The following GRAMD4 variants were observed in gnomAD, a reference collection of about 807,000 sequenced individuals.
GRAMD4 encodes the protein GRAM domain containing 4.
GRAMD4 carries 25 observed loss-of-function variants against 83.9 expected under a neutral mutation model. The observed-to-expected ratio is 0.30, with a 90% CI of 0.22 to 0.42. The LOEUF is 0.42. Ranked by LOEUF, GRAMD4 falls within the 10% of genes least tolerant of loss-of-function variation. The pLI is 1.00. For missense variants in GRAMD4, 593 were observed against 788.7 expected (o/e 0.75, Z 2.97); for synonymous variants, 336 against 320.9 (o/e 1.05, Z -0.50).
At chr22:46,590,542 T>G (rs1195985588) in intron 1 of GRAMD4, among the ~76,000 whole-genome samples, 1 of 152,170 alleles carries the variant, frequency 6.6e-6, no homozygotes, top group African/African-American at 2.4e-5. Flanking sequence ...TCAGCTGGTG[T>G]CTGCCTGTTG....
chr22:46,646,383 G>A (rs1403191169), intron 3 of GRAMD4, among the ~76,000 whole-genome samples: 4 of 152,180 alleles, frequency 2.6e-5, no homozygotes, highest in Non-Finnish European at 4.4e-5. Context: ...AGATCTTCTC[G>A]AAGAAGCTGG....
intron 2 of GRAMD4, among the ~76,000 whole-genome samples, chr22:46,628,792 G>A (rs2081717954): frequency 6.6e-6 from 1 of 152,124 alleles, no homozygotes; most frequent in Non-Finnish European, 1.5e-5. Context: ...GATCCCCTTC[G>A]GGGGAGGGTC....
intron 4 of GRAMD4, among the ~76,000 whole-genome samples, chr22:46,660,536 G>C (rs538602389): frequency 2.0e-5 from 3 of 152,312 alleles, no homozygotes; most frequent in South Asian, 4.1e-4. Flanking sequence ...TGAAGCTGCA[G>C]GATTAAAGCA....
upstream of GRAMD4, among the ~76,000 whole-genome samples, chr22:46,617,155 C>T (rs1373835425): frequency 1.4e-5 from 2 of 146,514 alleles, no homozygotes; most frequent in Middle Eastern, 3.9e-3. Flanking sequence ...TGTGTAGGTT[C>T]CCCCGTGTGT....
In GRAMD4 at chr22:46,659,634, G is replaced by T. The variant is rs908315712; in HGVS notation, c.404+1327G>T. 2.0e-5 allele frequency among the ~76,000 whole-genome samples: 3 copies of T among 152,186 alleles called. No homozygotes were observed. The highest frequency in any genetic ancestry group is 7.2e-5 in the African/African-American group (3 of 41,454). ...CAGGTTTAGTGTGTGGGAAGACGGG[G>T]GATCCGCTGGGCTGACTCCCACTTC... On this transcript the variant is annotated intron_variant, in intron 4 of 18. Transcript: ENST00000406902. This position sits in a 1 kb window ranked among gnomAD's most constrained non-coding sequence, Gnocchi z 4.1.
In GRAMD4 at chr22:46,637,884, T is replaced by C. The variant is rs1232991215; in HGVS notation, c.207T>C (p.Phe69=). The change falls in exon 3 of 19, where the codon TTT becomes TTC. Residue 69 remains phenylalanine (F), a synonymous_variant. Coordinates refer to ENST00000406902, the MANE Select transcript of GRAMD4 (RefSeq NM_015124.5). Reference sequence around the variant, plus strand: ...TCATGGCCACAGGAGTCCAGGACTTTAACCGGACAGAGTTTGATCGACTGA... The same window carrying C: ...TCATGGCCACAGGAGTCCAGGACTTCAACCGGACAGAGTTTGATCGACTGA... ...TLIMATGVQD[F]NRTEFDRLNE... 5.6e-6 allele frequency: 9 copies of C among 1,613,858 alleles called. No homozygotes were observed. Among genetic ancestry groups the C allele is most frequent in the South Asian group, 1.1e-5 (1 of 91,084 alleles).
intron 2 of GRAMD4, among the ~76,000 whole-genome samples, chr22:46,632,307 C>T (rs986440355): frequency 2.0e-5 from 3 of 152,176 alleles, no homozygotes; most frequent in Non-Finnish European, 2.9e-5. Context: ...AGGGCTGGGG[C>T]AGCGTCTGGG....
chr22:46,584,772 C>T (rs2081132035), intron 1 of GRAMD4, among the ~76,000 whole-genome samples: 1 of 152,234 alleles, frequency 6.6e-6, no homozygotes, highest in Non-Finnish European at 1.5e-5. Context: ...GACTTCCCTG[C>T]TGTGCTTAGT....
chr22:46,655,175 A>G (rs2082224554), intron 3 of GRAMD4, among the ~76,000 whole-genome samples: 1 of 142,492 alleles, frequency 7.0e-6, no homozygotes, highest in Non-Finnish European at 1.5e-5. Context: ...AAATCTGAAT[A>G]TTTTCTGGAC....
intron 1 of GRAMD4, among the ~76,000 whole-genome samples, chr22:46,602,847 A>G (rs997813396): frequency 2.0e-5 from 3 of 146,876 alleles, no homozygotes; most frequent in Non-Finnish European, 3.0e-5. Context: ...GGTTCAAGCA[A>G]TTCTCCTGCC....
At chr22:46,680,551 C>T (rs925050072), downstream of GRAMD4, among the ~76,000 whole-genome samples, 83 of 143,656 alleles carry the variant, frequency 5.8e-4, 1 homozygote, top group Non-Finnish European at 8.6e-4. Flanking sequence ...TCTGTCCGTC[C>T]GTCCGTCCGT....
intron 3 of GRAMD4, among the ~76,000 whole-genome samples, chr22:46,656,076 G>A (rs2082240455): frequency 6.6e-6 from 1 of 152,096 alleles, no homozygotes; most frequent in Admixed American, 6.5e-5. Flanking sequence ...CACGGGGAGG[G>A]TCTTCTCCAG....
chr22:46,662,532 G>T (rs1201132786), intron 5 of GRAMD4, among the ~76,000 whole-genome samples: 1 of 152,242 alleles, frequency 6.6e-6, no homozygotes. Context: ...CTCACCCTGG[G>T]CTGGCTGCGC....
chr22:46,619,329 T>C (rs1287738259), upstream of GRAMD4, among the ~76,000 whole-genome samples: 1 of 152,030 alleles, frequency 6.6e-6, no homozygotes, highest in African/African-American at 2.4e-5. Context: ...ATGGGGACAT[T>C]GGGGTGGATG....
At chr22:46,668,643 G>T (rs202044209) in intron 11 of GRAMD4, 46 bp from the exon 12 acceptor site, 1 of 1,582,526 alleles carries the variant, frequency 6.3e-7, no homozygotes, top group Non-Finnish European at 8.7e-7. Flanking sequence ...GTGACTGACA[G>T]CCCAGGAGCG....
In GRAMD4 at chr22:46,664,013, G is replaced by A; in HGVS notation, c.626-13G>A. 6.2e-7 allele frequency: 1 copy of A among 1,608,826 alleles called. No individual in the cohort carries two copies. Among genetic ancestry groups the A allele is most frequent in the Non-Finnish European group, 8.5e-7 (1 of 1,175,788 alleles). On this transcript the variant is annotated splice_polypyrimidine_tract_variant and intron_variant, in intron 7 of 18. Coordinates refer to ENST00000406902, the MANE Select transcript of GRAMD4 (RefSeq NM_015124.5). ...CCCACAGTGCTGACCACTGTGGTCT[G>A]CTCTGTCCCCAGAGCGCGGTGCCAA...
chr22:46,678,154 A>G lies in GRAMD4; in HGVS notation c.*903A>G, dbSNP rs904521350. 4.1e-6 allele frequency: 4 copies of G among 985,512 alleles called. No homozygotes were observed. The highest frequency in any genetic ancestry group is 4.8e-6 in the Non-Finnish European group (4 of 830,078). The allele number at this position is 985,512 out of a possible 1,614,324, so 61.0% of individuals were successfully genotyped here. On this transcript the variant is annotated 3_prime_UTR_variant, in exon 19 of 19. Coordinates refer to ENST00000406902, the MANE Select transcript of GRAMD4 (RefSeq NM_015124.5). The stretch of plus-strand genomic sequence containing the variant: ...CCGAGCACTGTGGCATGTCTGGCAC[A>G]TGGCCCCCAGGCTGCGGTTGCCTGG...
At chr22:46,655,913 G>A (rs1425028979) in intron 3 of GRAMD4, among the ~76,000 whole-genome samples, 1 of 152,250 alleles carries the variant, frequency 6.6e-6, no homozygotes, top group Non-Finnish European at 1.5e-5. Flanking sequence ...AGCGGGTCGG[G>A]GACCTCCGTC....
Position 46,678,481 on chromosome 22 carries a change from T to G in GRAMD4, c.*1230T>G, listed in dbSNP as rs952716464. On this transcript the variant is annotated 3_prime_UTR_variant, in exon 19 of 19. Coordinates refer to ENST00000406902, the MANE Select transcript of GRAMD4 (RefSeq NM_015124.5). ...GGAGGGAGCGCCCGCAGGCCTGGTC[T>G]GCTGGGGCCGCCTGCGCTGGGCTGA... The G allele has an allele frequency of 1.2e-5, 12 of 985,152 alleles. No homozygotes were observed. The African/African-American group carries it at 2.1e-4, about 17-fold the overall frequency. 61.0% of individuals were successfully genotyped at this position (985,152 alleles called of 1,614,324 possible).
Sources: gnomAD v4.1 joint callset for allele counts (sites outside exome capture counted in the v4.1 genomes callset) on GRCh38, gnomAD v4.1.1 for gene constraint, Gnocchi (gnomAD v3.1) non-coding constraint, MANE v1.5 for transcripts, NCBI Gene and HGNC (gene_info 2026-07-23, HGNC 2026-07-21) for gene names.